Variants in WRN observed in about 807,000 individuals in gnomAD.
WRN encodes the protein bifunctional 3'-5' exonuclease/ATP-dependent helicase WRN.
In WRN, 149 loss-of-function variants were observed where a neutral mutation model predicts 180.7. The observed-to-expected ratio is 0.82, with a 90% CI of 0.72 to 0.94. The LOEUF is 0.94. WRN is among the 40% of genes least tolerant of loss of function. WRN has a pLI of 0.00. For missense variants in WRN, 1,661 were observed against 1,700.1 expected, an observed-to-expected ratio of 0.98 and a Z score of 0.40; for synonymous variants, 548 against 568.9, an observed-to-expected ratio of 0.96 and a Z score of 0.52.
intron 3 of WRN, among the ~76,000 whole-genome samples, chr8:31,062,704 C>T (rs148392199): frequency 1.3e-3 from 200 of 152,138 alleles, no homozygotes; most frequent in African/African-American, 4.5e-3. Context: ...TGAACCACTG[C>T]GCCTGGCCTG....
At position 31,065,703 on chromosome 8, in the gene WRN, T is replaced by C. The variant is rs186534669; in HGVS notation, c.504+640T>C. Among the ~76,000 whole-genome samples, 195 of 152,284 alleles carry C rather than the reference T, an allele frequency of 1.3e-3. 1 individual carries two copies. The highest frequency in any genetic ancestry group is 4.3e-3 in the African/African-American group (177 of 41,554). Reference sequence around the variant, plus strand: ...GTTAAATAGTGCTGCAGTGAACATATGCGTGCATGTGTCTTTGTAACAGAA... The same window carrying C: ...GTTAAATAGTGCTGCAGTGAACATACGCGTGCATGTGTCTTTGTAACAGAA... On this transcript the variant is annotated intron_variant, in intron 5 of 34. Coordinates refer to ENST00000298139, the MANE Select transcript of WRN (RefSeq NM_000553.6).
At chr8:31,058,290 C>T in intron 1 of WRN, 82 bp from the exon 2 acceptor site, 3 of 632,718 alleles carry the variant, frequency 4.7e-6, no homozygotes, top group Non-Finnish European at 8.5e-6. Context: ...GCTCTTATAA[C>T]CTATGCTTGG....
At chr8:31,124,815 A>T in intron 22 of WRN, 93 bp from the exon 23 acceptor site, 1 of 1,325,044 alleles carries the variant, frequency 7.5e-7, no homozygotes, top group Non-Finnish European at 1.1e-6. Flanking sequence ...CAAGTGAATC[A>T]ATTAATGGTG....
In WRN at chr8:31,088,915, A is replaced by G; in HGVS notation, c.1602A>G (p.Glu534=). The stretch of plus-strand genomic sequence containing the variant: ...ACTTTTTGTGGCCAGCACCCAATGA[A>G]GAGCAAGTTACTTGCCTCAAGATGT... ...DKDFLWPAPN[E]EQVTCLKMYF... The change falls in exon 13 of 35, where the codon GAA becomes GAG. Residue 534 remains glutamate, a synonymous_variant. Coordinates refer to ENST00000298139, the MANE Select transcript of WRN (RefSeq NM_000553.6). The G allele has an allele frequency of 6.2e-7, 1 of 1,611,590 alleles. No individual in the cohort carries two copies. The highest frequency in any genetic ancestry group is 8.5e-7 in the Non-Finnish European group (1 of 1,178,726).
At chr8:31,154,378 A>G (rs1803285724) in intron 31 of WRN, among the ~76,000 whole-genome samples, 1 of 152,130 alleles carries the variant, frequency 6.6e-6, no homozygotes, top group South Asian at 2.1e-4. Context: ...CGTTAAAGAA[A>G]AGACTAGGAA....
At position 31,076,251 on chromosome 8, in the gene WRN, T is replaced by C. The variant is rs1813089578; in HGVS notation, c.803T>C (p.Leu268Pro). ...SEEVMDLAKH[L>P]PHAFSKLENP... Reference sequence around the variant, plus strand: ...GAAGTGATGGATCTGGCTAAGCATCTTCCTCATGCTTTCAGTAAATTGGAA... The same window carrying C: ...GAAGTGATGGATCTGGCTAAGCATCCTCCTCATGCTTTCAGTAAATTGGAA... The change falls in exon 8 of 35, where the codon CTT becomes CCT. Residue 268 changes from leucine (L) to proline (P), a missense_variant. By Grantham distance (98) the Leu-to-Pro change is moderately conservative. This residue lies in a region of WRN where 500 missense variants were observed against 504.1 expected (regional missense o/e 0.99). Coordinates refer to ENST00000298139, the MANE Select transcript of WRN (RefSeq NM_000553.6). 1 of 1,613,868 alleles carries C rather than the reference T, an allele frequency of 6.2e-7. No individual in the cohort carries two copies. Among genetic ancestry groups the C allele is most frequent in the Non-Finnish European group, 8.5e-7 (1 of 1,179,910 alleles).
At chr8:31,168,031 G>T (rs1292215113) in intron 34 of WRN, among the ~76,000 whole-genome samples, 1 of 152,050 alleles carries the variant, frequency 6.6e-6, no homozygotes, top group South Asian at 2.1e-4. Context: ...ATTACACTTA[G>T]TTCTAAGGTA....
chr8:31,034,051 G>T (rs1811346370), intron 1 of WRN, 78 bp downstream of exon 1: 1 of 152,338 alleles, frequency 6.6e-6, no homozygotes, highest in African/African-American at 2.4e-5. Context: ...GAGACACGTG[G>T]AGGCGCTTAG....
chr8:31,073,852 T>A (rs1326747631), intron 7 of WRN, among the ~76,000 whole-genome samples: 5 of 151,976 alleles, frequency 3.3e-5, no homozygotes, highest in Admixed American at 6.6e-5. Context: ...TCGGGGAGGT[T>A]GAGTGAGATG....
chr8:31,096,415 G>T (rs1239227988), intron 16 of WRN, among the ~76,000 whole-genome samples: 2 of 152,142 alleles, frequency 1.3e-5, no homozygotes, highest in Admixed American at 6.5e-5. Flanking sequence ...AAGCTAGCAT[G>T]AGTGTATATT....
intron 33 of WRN, 75 bp downstream of exon 33, chr8:31,157,605 G>A (rs1803439296): frequency 1.3e-6 from 2 of 1,562,776 alleles, no homozygotes; most frequent in Non-Finnish European, 1.7e-6. Flanking sequence ...ATTTTTCACT[G>A]TTAACAGCAT....
chr8:31,128,014 G>A (rs1485686754), intron 23 of WRN, among the ~76,000 whole-genome samples: 1 of 151,948 alleles, frequency 6.6e-6, no homozygotes, highest in East Asian at 1.9e-4. Flanking sequence ...GAAGGCCGAG[G>A]CAAGAGAATT....
At position 31,068,800 on chromosome 8, in the gene WRN, C is replaced by A. The variant is rs11574209; in HGVS notation, c.724+473C>A. On this transcript the variant is annotated intron_variant, in intron 7 of 34. Coordinates refer to ENST00000298139, the MANE Select transcript of WRN (RefSeq NM_000553.6). Reference sequence around the variant, plus strand: ...TCATTTTACAGTGCTTTCTAACATACTGATTTACATTTCTAATTTTCTTCT... The same window carrying A: ...TCATTTTACAGTGCTTTCTAACATAATGATTTACATTTCTAATTTTCTTCT... Among the ~76,000 whole-genome samples, 12 of 152,302 alleles carry A rather than the reference C, an allele frequency of 7.9e-5. No homozygotes were observed. The East Asian group carries it at 2.1e-3, about 27-fold the overall frequency.
At chr8:31,077,251 C>CTTTTTTTTTTTTTTTTTTTTTTT (rs1296265714) in intron 8 of WRN, among the ~76,000 whole-genome samples, 2 of 151,666 alleles carry the variant, frequency 1.3e-5, no homozygotes, top group African/African-American at 4.8e-5. Flanking sequence ...ATGTAACTTT[C>CTTTTTTTTTTTTTTTTTTTTTTT]TTTTTTTTGA....
intron 31 of WRN, among the ~76,000 whole-genome samples, chr8:31,153,040 A>G (rs923720651): frequency 6.6e-6 from 1 of 152,020 alleles, no homozygotes; most frequent in Non-Finnish European, 1.5e-5. Flanking sequence ...AAAAAAAAAA[A>G]AGTGTCTTTG....
rs1338010986 is a variant in WRN, at chr8:31,066,186, G to GT, written c.505-844dup. On this transcript the variant is annotated intron_variant, in intron 5 of 34. Coordinates refer to ENST00000298139, the MANE Select transcript of WRN (RefSeq NM_000553.6). ...AGCCACCGCACCTGGCCGGCAGACA[G>GT]TTTCTTTTTTTCTTTTTGAGACAGA... Among the ~76,000 whole-genome samples, 4 of 150,274 alleles carry GT rather than the reference G, an allele frequency of 2.7e-5. No homozygotes were observed. The East Asian group carries it at 7.9e-4, about 30-fold the overall frequency.
rs780963410 is a variant in WRN at position 31,150,395 on chromosome 8, T to A, written c.3627T>A (p.Ala1209=). The A allele has an allele frequency of 5.9e-5, 95 of 1,614,204 alleles. No individual in the cohort carries two copies. The Admixed American group carries it at 1.6e-3, about 27-fold the overall frequency. The change falls in exon 31 of 35, where the codon GCT becomes GCA. Residue 1209 remains alanine (A), a synonymous_variant. Transcript: ENST00000298139. ...TTGATGGTGTTTCTGAAGGCAAAGC[T>A]GCCATGTTGGCCCCTCTGTTGGAAG... The part of the protein sequence containing the change: ...KRIDGVSEGK[A]AMLAPLLEVI...
chr8:31,077,251 C>CTTTTTTTTTTTTTTTT (rs1296265714), intron 8 of WRN, among the ~76,000 whole-genome samples: 3 of 151,786 alleles, frequency 2.0e-5, no homozygotes, highest in African/African-American at 7.2e-5. Flanking sequence ...ATGTAACTTT[C>CTTTTTTTTTTTTTTTT]TTTTTTTTGA....
rs751988233 is a variant in WRN, at chr8:31,087,910, T to C, written c.1566T>C (p.Asp522=). 2 of 1,613,036 alleles carry C rather than the reference T, an allele frequency of 1.2e-6. No individual in the cohort carries two copies. Among genetic ancestry groups the C allele is most frequent in the Non-Finnish European group, 1.7e-6 (2 of 1,179,552 alleles). ...DENEANEGEE[D]DDKDFLWPAP... is the part of the protein sequence containing the mutation. ...ATGAAGCTAATGAAGGGGAAGAAGA[T>C]GATGATAAGGGTAAGCACTGAAGTA... Residue 522 remains aspartate, a synonymous_variant, in exon 12 of 35, where the codon GAT becomes GAC. Coordinates refer to ENST00000298139, the MANE Select transcript of WRN (RefSeq NM_000553.6).
Sources: gnomAD v4.1 joint callset for allele counts (sites outside exome capture counted in the v4.1 genomes callset) on GRCh38, gnomAD v4.1.1 for gene constraint, gnomAD v4.1.1 regional missense constraint, MANE v1.5 for transcripts, NCBI Gene and HGNC (gene_info 2026-07-23, HGNC 2026-07-21) for gene names.